The following SLC6A17 variants were observed in gnomAD, a reference collection of about 807,000 sequenced individuals.
SLC6A17 encodes the protein sodium-dependent neutral amino acid transporter SLC6A17.
In SLC6A17, 21 loss-of-function variants were observed where a neutral mutation model predicts 64.5. The observed-to-expected ratio is 0.33, with a 90% CI of 0.23 to 0.47. The LOEUF (loss-of-function observed/expected upper bound fraction) is 0.47. SLC6A17 is among the 20% of genes least tolerant of loss of function. The probability of loss-of-function intolerance (pLI) is 1.00; values close to 1 mark genes in which losing one functional copy is unlikely to be tolerated. For synonymous variants in SLC6A17, 372 were observed against 399.5 expected, an observed-to-expected ratio of 0.93 and a Z score of 0.82; for missense variants, 682 against 963.2, an observed-to-expected ratio of 0.71 and a Z score of 3.86.
intron 1 of SLC6A17, among the ~76,000 whole-genome samples, chr1:110,158,571 A>T (rs1458766125): frequency 6.6e-6 from 1 of 152,262 alleles, no homozygotes; most frequent in East Asian, 1.9e-4. Flanking sequence ...TTGTTACCTC[A>T]TTTTATACTC....
At chr1:110,191,334 TC>T (rs1656819693) in intron 6 of SLC6A17, among the ~76,000 whole-genome samples, 2 of 152,186 alleles carry the variant, frequency 1.3e-5, no homozygotes, top group Admixed American at 1.3e-4. Context: ...CTCCATGCCA[TC>T]CCAATGCTGT....
intron 1 of SLC6A17, among the ~76,000 whole-genome samples, chr1:110,156,849 T>C (rs1655774371): frequency 6.6e-6 from 1 of 152,190 alleles, no homozygotes; most frequent in African/African-American, 2.4e-5. Flanking sequence ...CAAGAGCTCT[T>C]CAGCAGTCCG....
At chr1:110,196,384 T>G (rs1466932429) in intron 10 of SLC6A17, among the ~76,000 whole-genome samples, 1 of 152,176 alleles carries the variant, frequency 6.6e-6, no homozygotes, top group Non-Finnish European at 1.5e-5. Context: ...ACTAACCCAC[T>G]TGGTCTGACC....
chr1:110,152,748 T>C (rs368670991), intron 1 of SLC6A17, among the ~76,000 whole-genome samples: 11 of 152,316 alleles, frequency 7.2e-5, no homozygotes, highest in African/African-American at 2.6e-4. Flanking sequence ...GTTTCCTCAG[T>C]TGTAAAACAG....
chr1:110,197,972 GGA>G lies in SLC6A17; in HGVS notation c.1816-102_1816-101del. The G allele has an allele frequency of 4.7e-6, 7 of 1,498,224 alleles. No homozygotes were observed. In the South Asian group the frequency reaches 5.4e-5, roughly 11 times the overall value. 92.8% of individuals were successfully genotyped at this position (1,498,224 alleles called of 1,614,324 possible). A position where few individuals can be genotyped will look rare whatever the true frequency, so the allele number is the denominator to read the frequency against. ...CTGGCCAGGATGGTGGGAGGGGAGAGGAGTGGAAGGCCATGGGTGAGGGCAGG... is the reference window on the plus strand; with the variant it reads ...CTGGCCAGGATGGTGGGAGGGGAGAGGTGGAAGGCCATGGGTGAGGGCAGG... On this transcript the variant is annotated intron_variant, in intron 11 of 11. Coordinates refer to ENST00000331565, the MANE Select transcript of SLC6A17 (RefSeq NM_001010898.4).
rs1172289456 is a variant in SLC6A17 at position 110,192,720 on chromosome 1, C to G, written c.1299+22C>G. 6.2e-7 allele frequency: 1 copy of G among 1,601,820 alleles called. No individual in the cohort carries two copies. The highest frequency in any genetic ancestry group is 8.5e-7 in the Non-Finnish European group (1 of 1,172,454). On this transcript the variant is annotated intron_variant, in intron 8 of 11. Coordinates refer to ENST00000331565, the MANE Select transcript of SLC6A17 (RefSeq NM_001010898.4). The surrounding 1 kb of genome is among the most constrained non-coding windows in gnomAD (Gnocchi z 4.3). The stretch of plus-strand genomic sequence containing the variant: ...CAAGGTGCGGGGACAGGCTGCCCTT[C>G]CCAGGACAGGCAGGAACCCAGAGAG...
At chr1:110,197,744 C>G in intron 11 of SLC6A17, 145 bp downstream of exon 11, 2 of 993,692 alleles carry the variant, frequency 2.0e-6, no homozygotes, top group East Asian at 2.7e-5. Context: ...AATCTTACAA[C>G]AAGCCAAAGA....
intron 1 of SLC6A17, among the ~76,000 whole-genome samples, chr1:110,155,085 C>A (rs1255278012): frequency 6.6e-6 from 1 of 152,192 alleles, no homozygotes; most frequent in African/African-American, 2.4e-5. Flanking sequence ...CCATGCTGTC[C>A]TAGCCTGCCC....
intron 6 of SLC6A17, among the ~76,000 whole-genome samples, chr1:110,191,378 G>C (rs1656820699): frequency 1.3e-5 from 2 of 152,266 alleles, no homozygotes; most frequent in African/African-American, 4.8e-5. Context: ...TGTGAGGGCA[G>C]ATGGAAGCTT....
intron 6 of SLC6A17, among the ~76,000 whole-genome samples, chr1:110,189,200 G>A (rs1002501475): frequency 2.6e-5 from 4 of 152,106 alleles, no homozygotes; most frequent in Admixed American, 6.5e-5. Flanking sequence ...TCTGTCCAGC[G>A]GACCACTTGG....
rs1656385628 is a variant in SLC6A17, at chr1:110,176,691, G to C, written c.816G>C (p.Leu272=). 1.2e-6 allele frequency: 2 copies of C among 1,613,964 alleles called. No homozygotes were observed. The highest frequency in any genetic ancestry group is 1.7e-5 in the Admixed American group (1 of 59,990). Residue 272 remains leucine, a synonymous_variant, in exon 6 of 12, where the codon CTG becomes CTC. Coordinates refer to ENST00000331565, the MANE Select transcript of SLC6A17 (RefSeq NM_001010898.4). The stretch of plus-strand genomic sequence containing the variant: ...TGGCCTGCTTCCTGGTCCGGGGGCT[G>C]TTGCTGCGAGGGGCAGTTGATGGCA... The part of the protein sequence containing the change: ...VVLACFLVRG[L]LLRGAVDGIL...
At chr1:110,153,792 A>C (rs1372163945) in intron 1 of SLC6A17, among the ~76,000 whole-genome samples, 1 of 152,188 alleles carries the variant, frequency 6.6e-6, no homozygotes, top group Non-Finnish European at 1.5e-5. Flanking sequence ...AGATGGATTT[A>C]AGCTTTTTTG....
intron 2 of SLC6A17, among the ~76,000 whole-genome samples, chr1:110,171,763 G>A (rs1266532031): frequency 6.6e-6 from 1 of 152,116 alleles, no homozygotes; most frequent in Non-Finnish European, 1.5e-5. Context: ...GTGGATTCTG[G>A]AGAGGCAGTG....
intron 1 of SLC6A17, among the ~76,000 whole-genome samples, chr1:110,156,541 G>A (rs965344614): frequency 3.9e-5 from 6 of 152,290 alleles, no homozygotes; most frequent in African/African-American, 1.4e-4. Context: ...CTACAGTTTG[G>A]TAGATGACAG....
chr1:110,164,473 G>T (rs1032803314), intron 1 of SLC6A17, among the ~76,000 whole-genome samples: 6 of 152,210 alleles, frequency 3.9e-5, no homozygotes, highest in African/African-American at 1.4e-4. Flanking sequence ...GTCTGACCCT[G>T]TTGTCACCTG....
At chr1:110,172,272 C>T in intron 3 of SLC6A17, 55 bp downstream of exon 3, 5 of 1,523,536 alleles carry the variant, frequency 3.3e-6, no homozygotes, top group Middle Eastern at 2.3e-4. Context: ...TGCTCCTGGG[C>T]ATTGGAGACG....
chr1:110,159,738 C>T (rs957828334), intron 1 of SLC6A17, among the ~76,000 whole-genome samples: 1 of 152,162 alleles, frequency 6.6e-6, no homozygotes, highest in Non-Finnish European at 1.5e-5. Context: ...TGTATCCTGG[C>T]TTTCAAACTG....
At chr1:110,172,909 C>T (rs1011956757) in intron 3 of SLC6A17, among the ~76,000 whole-genome samples, 1 of 152,248 alleles carries the variant, frequency 6.6e-6, no homozygotes, top group South Asian at 2.1e-4. Context: ...ATGCTCACTG[C>T]TCACACCTGG....
At chr1:110,196,584 C>T (rs1424557923) in intron 10 of SLC6A17, among the ~76,000 whole-genome samples, 2 of 152,168 alleles carry the variant, frequency 1.3e-5, no homozygotes, top group Non-Finnish European at 2.9e-5. Flanking sequence ...ACTCCTTCGG[C>T]AGTCTGGTGA....
Sources: allele counts gnomAD v4.1 joint callset (sites outside exome capture counted in the v4.1 genomes callset), GRCh38; gene constraint gnomAD v4.1.1; non-coding constraint Gnocchi (gnomAD v3.1); transcripts MANE v1.5; gene names NCBI Gene and HGNC (gene_info 2026-07-23, HGNC 2026-07-21).